TRPA1: variants seen among roughly 807,000 people sequenced by gnomAD.
TRPA1 encodes ankyrin-like with transmembrane domains 1.
A neutral mutation model predicts 131.3 loss-of-function variants in TRPA1; 129 were observed. That is an observed-to-expected ratio of 0.98 (90% CI 0.85 to 1.14). The LOEUF is 1.14. Ranked by LOEUF, TRPA1 falls within the 50% of genes most tolerant of loss-of-function variation. The pLI, the probability that TRPA1 is intolerant of heterozygous loss-of-function variation, is 0.00. For missense variants in TRPA1, 1,304 were observed against 1,354.2 expected (o/e 0.96, Z 0.58); for synonymous variants, 441 against 451.7 (o/e 0.98, Z 0.30).
At position 72,055,665 on chromosome 8, in the gene TRPA1, C is replaced by T. The variant is rs760835056; in HGVS notation, c.1364+21G>A. 2.5e-6 allele frequency: 4 copies of T among 1,613,626 alleles called. No homozygotes were observed. In the Admixed American group the frequency reaches 5.0e-5, roughly 20 times the overall value. On this transcript the variant is annotated intron_variant, in intron 11 of 26. Coordinates refer to ENST00000262209, the MANE Select transcript of TRPA1 (RefSeq NM_007332.3). ...TAAACAGAAAGAAGACATGTTCATA[C>T]ATTGCTAGACTGACCCTTACCTGGC...
intron 15 of TRPA1, among the ~76,000 whole-genome samples, chr8:72,049,646 G>A (rs1221232887): frequency 3.3e-5 from 5 of 152,062 alleles, no homozygotes; most frequent in African/African-American, 9.7e-5. Context: ...TGGGGTGTCC[G>A]GTCATATGCT....
At chr8:72,048,731 G>A (rs887059802) in intron 15 of TRPA1, among the ~76,000 whole-genome samples, 1 of 152,092 alleles carries the variant, frequency 6.6e-6, no homozygotes, top group African/African-American at 2.4e-5. Flanking sequence ...TTGCTGAAAA[G>A]TAGTCACAAT....
At chr8:72,070,484 G>A (rs1297507258) in intron 2 of TRPA1, among the ~76,000 whole-genome samples, 2 of 152,070 alleles carry the variant, frequency 1.3e-5, no homozygotes, top group Non-Finnish European at 2.9e-5. Context: ...ACTTGAATTT[G>A]GCTTTTATCC....
chr8:72,038,794 G>T, intron 19 of TRPA1, 71 bp downstream of exon 19: 1 of 1,312,310 alleles, frequency 7.6e-7, no homozygotes, highest in Non-Finnish European at 1.1e-6. Flanking sequence ...ATTTATTATG[G>T]GTTTAGTAGT....
At chr8:72,063,384 GA>G (rs34929058) in intron 5 of TRPA1, 78 bp downstream of exon 5, 567,638 of 914,624 alleles carry the variant, frequency 0.62, 167,701 homozygotes, top group East Asian at 0.95. Context: ...CATCTCAAAA[GA>G]AAAAAAAAAA....
intron 5 of TRPA1, 74 bp from the exon 6 acceptor site, chr8:72,063,018 T>C: frequency 7.2e-7 from 1 of 1,389,224 alleles, no homozygotes; most frequent in East Asian, 2.5e-5. Flanking sequence ...TTAAAAAATA[T>C]GAACAAAGGT....
At chr8:72,082,621 T>C in the TRPA1 span, among the ~76,000 whole-genome samples, 1 of 152,080 alleles carries the variant, frequency 6.6e-6, no homozygotes, top group Admixed American at 6.5e-5. Context: ...CTTTCATCAC[T>C]TTGAGTATTA....
rs990965531 is a variant in TRPA1 at position 72,063,368 on chromosome 8, A to C, written c.661+95T>G. On this transcript the variant is annotated intron_variant, in intron 5 of 26. Transcript: ENST00000262209. Reference sequence around the variant, plus strand: ...GCACTCCAGCCTGGGTGACAGAGTGAGACTCCATCTCAAAAGAAAAAAAAA... The same window carrying C: ...GCACTCCAGCCTGGGTGACAGAGTGCGACTCCATCTCAAAAGAAAAAAAAA... 4.7e-6 allele frequency: 4 copies of C among 842,490 alleles called. No homozygotes were observed. In the African/African-American group the frequency reaches 7.6e-5, roughly 16 times the overall value. 52.2% of individuals were successfully genotyped at this position (842,490 alleles called of 1,614,324 possible).
Position 72,052,713 on chromosome 8 carries a change from A to G in TRPA1, c.1697T>C (p.Leu566Pro). ...AREGHAKAVA[L>P]LLSHNADIVL... Reference sequence around the variant, plus strand: ...TATGTCAGCATTGTGGCTCAGAAGAAGCGCAACGGCTTTGGCGTGGCCTTC... The same window carrying G: ...TATGTCAGCATTGTGGCTCAGAAGAGGCGCAACGGCTTTGGCGTGGCCTTC... Residue 566 changes from leucine to proline, a missense_variant, in exon 14 of 27, where the codon CTT becomes CCT. Transcript: ENST00000262209. 2 of 1,613,870 alleles carry G rather than the reference A, an allele frequency of 1.2e-6. No homozygotes were observed. The highest frequency in any genetic ancestry group is 1.7e-6 in the Non-Finnish European group (2 of 1,179,884).
intron 1 of TRPA1, among the ~76,000 whole-genome samples, chr8:72,073,367 T>C (rs1033650582): frequency 2.6e-5 from 4 of 152,254 alleles, no homozygotes; most frequent in African/African-American, 9.6e-5. Context: ...TTGTAAGTTT[T>C]CTGTGATCCT....
chr8:72,056,538 AT>A (rs1401131943), intron 10 of TRPA1, among the ~76,000 whole-genome samples: 3 of 152,116 alleles, frequency 2.0e-5, no homozygotes, highest in African/African-American at 7.2e-5. Flanking sequence ...ATGCTGAGTA[AT>A]TTTTCTTAAT....
chr8:72,068,191 A>G (rs181899179), intron 3 of TRPA1, among the ~76,000 whole-genome samples: 17 of 152,342 alleles, frequency 1.1e-4, no homozygotes, highest in Admixed American at 1.0e-3. Context: ...CCTGAAACTC[A>G]TGGAACTCTT....
intron 17 of TRPA1, among the ~76,000 whole-genome samples, chr8:72,045,918 T>C (rs530152920): frequency 6.6e-6 from 1 of 152,214 alleles, no homozygotes; most frequent in East Asian, 1.9e-4. Flanking sequence ...ATGCTGTGTC[T>C]TAAAAGCCTG....
At chr8:72,063,384 G>T in intron 5 of TRPA1, 79 bp downstream of exon 5, 1 of 921,684 alleles carries the variant, frequency 1.1e-6, no homozygotes. Flanking sequence ...CATCTCAAAA[G>T]AAAAAAAAAA....
At chr8:72,030,319 C>G (rs1188229982) in intron 23 of TRPA1, among the ~76,000 whole-genome samples, 1 of 152,096 alleles carries the variant, frequency 6.6e-6, no homozygotes, top group African/African-American at 2.4e-5. Flanking sequence ...TCCCAAAGGC[C>G]CCACCTTCTA....
chr8:72,075,515 C>T lies in TRPA1; in HGVS notation c.-106G>A. 1.1e-6 allele frequency: 1 copy of T among 898,654 alleles called. No homozygotes were observed. The allele number at this position is 898,654 out of a possible 1,614,324, so 55.7% of individuals were successfully genotyped here. A position where few individuals can be genotyped will look rare whatever the true frequency, so the allele number is the denominator to read the frequency against. On this transcript the variant is annotated 5_prime_UTR_variant, in exon 1 of 27. Transcript: ENST00000262209. Reference sequence around the variant, plus strand: ...CCAGGCGCTGGGGTCCGCGCGAGCCCGAGCTCTCCCGCGCTGCAGCTCACA... The same window carrying T: ...CCAGGCGCTGGGGTCCGCGCGAGCCTGAGCTCTCCCGCGCTGCAGCTCACA...
At chr8:72,038,782 A>G in intron 19 of TRPA1, 83 bp downstream of exon 19, 3 of 1,190,320 alleles carry the variant, frequency 2.5e-6, no homozygotes, top group Non-Finnish European at 3.6e-6. Flanking sequence ...CTGATATGTC[A>G]GATTTATTAT....
At chr8:72,081,365 T>A in the TRPA1 span, among the ~76,000 whole-genome samples, 1 of 151,856 alleles carries the variant, frequency 6.6e-6, no homozygotes. Flanking sequence ...TACTTTGTAT[T>A]GTTTCAATCC....
At chr8:72,038,711 A>G (rs986785548) in intron 19 of TRPA1, 154 bp downstream of exon 19, 9 of 667,834 alleles carry the variant, frequency 1.3e-5, no homozygotes, top group Non-Finnish European at 2.2e-5. Flanking sequence ...TCCTTCCACA[A>G]AGGATTTTAG....
Sources: gnomAD v4.1 joint callset for allele counts (sites outside exome capture counted in the v4.1 genomes callset) on GRCh38, gnomAD v4.1.1 for gene constraint, MANE v1.5 for transcripts, NCBI Gene and HGNC (gene_info 2026-07-23, HGNC 2026-07-21) for gene names.